DLG2: variants seen among roughly 807,000 people sequenced by gnomAD.
The protein encoded by DLG2 is discs large MAGUK scaffold protein 2.
In DLG2, 45 loss-of-function variants were observed where a neutral mutation model predicts 132.5. That is an observed-to-expected ratio of 0.34 (90% confidence interval 0.27 to 0.44). The LOEUF (loss-of-function observed/expected upper bound fraction) is 0.44, where lower values mean the gene tolerates loss of function less well. DLG2 is among the 20% of genes least tolerant of loss of function. DLG2 has a pLI of 1.00. For missense variants in DLG2, 1,045 were observed against 1,196.9 expected, an observed-to-expected ratio of 0.87 and a Z score of 1.87; for synonymous variants, 424 against 419.6, an observed-to-expected ratio of 1.01 and a Z score of -0.13.
intron 8 of DLG2, among the ~76,000 whole-genome samples, chr11:84,219,278 G>A (rs192301071): frequency 1.3e-5 from 2 of 152,272 alleles, no homozygotes. Context: ...GACAGAACTA[G>A]AACTTGAAGT....
chr11:84,882,904 G>A (rs2087583495), intron 6 of DLG2, among the ~76,000 whole-genome samples: 1 of 151,994 alleles, frequency 6.6e-6, no homozygotes, highest in South Asian at 2.1e-4. Flanking sequence ...AGTGAGAATT[G>A]TATACAGAAT....
intron 8 of DLG2, among the ~76,000 whole-genome samples, chr11:84,181,932 G>A (rs1371818594): frequency 6.6e-6 from 1 of 152,146 alleles, no homozygotes; most frequent in Non-Finnish European, 1.5e-5. Flanking sequence ...ATTATAGTTG[G>A]AGACTTGAAC....
At chr11:84,011,932 A>G (rs1157913616) in intron 11 of DLG2, among the ~76,000 whole-genome samples, 1 of 152,118 alleles carries the variant, frequency 6.6e-6, no homozygotes, top group African/African-American at 2.4e-5. Flanking sequence ...TCAAAGCTAT[A>G]AAAATATAAT....
intron 18 of DLG2, among the ~76,000 whole-genome samples, chr11:83,635,818 GC>G (rs2064676340): frequency 6.6e-6 from 1 of 151,998 alleles, no homozygotes; most frequent in Admixed American, 6.6e-5. Flanking sequence ...CCAGCTTTTT[GC>G]TATCACAAAC....
chr11:85,065,511 C>G (rs1172696962), intron 6 of DLG2, among the ~76,000 whole-genome samples: 1 of 151,280 alleles, frequency 6.6e-6, no homozygotes, highest in African/African-American at 2.4e-5. Context: ...GGATTTAAAA[C>G]CAGGTTTCAC....
chr11:84,836,111 T>C (rs2079732640), intron 6 of DLG2, among the ~76,000 whole-genome samples: 1 of 151,760 alleles, frequency 6.6e-6, no homozygotes, highest in African/African-American at 2.4e-5. Context: ...CTCAGCTCTC[T>C]CATTATCTCT....
intron 8 of DLG2, among the ~76,000 whole-genome samples, chr11:84,174,004 AC>A (rs1192540057): frequency 2.0e-5 from 1 of 49,296 alleles, no homozygotes; most frequent in Non-Finnish European, 4.3e-5. Flanking sequence ...TTTTGACTTC[AC>A]CCCCCGGCCT....
chr11:84,251,125 C>A, intron 8 of DLG2, 113 bp downstream of exon 8: 1 of 589,706 alleles, frequency 1.7e-6, no homozygotes, highest in South Asian at 3.4e-5. Context: ...AACTACATGT[C>A]ATTCCATAAG....
At chr11:83,593,758 T>G (rs1594080633) in intron 19 of DLG2, among the ~76,000 whole-genome samples, 1 of 151,628 alleles carries the variant, frequency 6.6e-6, no homozygotes, top group Non-Finnish European at 1.5e-5. Context: ...GAAGTTGATA[T>G]TTGTAAAAAC....
chr11:84,765,471 C>A (rs2068275969), intron 6 of DLG2, among the ~76,000 whole-genome samples: 1 of 152,102 alleles, frequency 6.6e-6, no homozygotes, highest in Admixed American at 6.6e-5. Flanking sequence ...CAACCAAACA[C>A]TGCCTTCTCA....
At chr11:84,796,640 T>G (rs1329020574) in intron 6 of DLG2, among the ~76,000 whole-genome samples, 2 of 151,632 alleles carry the variant, frequency 1.3e-5, no homozygotes, top group African/African-American at 4.8e-5. Context: ...TTCTCCTTCA[T>G]GCTTGAAAGA....
intron 22 of DLG2, chr11:83,480,510 G>T: frequency 6.7e-7 from 1 of 1,500,046 alleles, no homozygotes. Context: ...AGAAATGTGA[G>T]CGAAAGGCAA....
At chr11:85,022,074 C>T (rs2060123989) in intron 6 of DLG2, among the ~76,000 whole-genome samples, 1 of 151,962 alleles carries the variant, frequency 6.6e-6, no homozygotes, top group South Asian at 2.1e-4. Context: ...AAATTAAACA[C>T]TTAGTCATAA....
intron 7 of DLG2, among the ~76,000 whole-genome samples, chr11:84,464,319 G>A (rs1050205988): frequency 2.6e-5 from 4 of 151,164 alleles, no homozygotes; most frequent in Non-Finnish European, 3.0e-5. Context: ...TAAAGAGGAG[G>A]CAACAAATGA....
intron 8 of DLG2, among the ~76,000 whole-genome samples, chr11:84,182,389 G>A (rs1439357948): frequency 6.6e-6 from 1 of 151,558 alleles, no homozygotes; most frequent in Non-Finnish European, 1.5e-5. Context: ...AAATTAGGCA[G>A]TCATGGTGGC....
At chr11:83,528,126 T>G (rs986971071) in intron 21 of DLG2, among the ~76,000 whole-genome samples, 1 of 152,154 alleles carries the variant, frequency 6.6e-6, no homozygotes, top group Non-Finnish European at 1.5e-5. Flanking sequence ...GATGGCTGTT[T>G]GAAGTTTAGG....
chr11:84,640,079 C>A, intron 6 of DLG2: 1 of 312,536 alleles, frequency 3.2e-6, no homozygotes, highest in Non-Finnish European at 6.0e-6. Flanking sequence ...TTGTGAAGGG[C>A]CCCAGAGGAA....
chr11:83,690,058 C>T (rs1201934699), intron 18 of DLG2, among the ~76,000 whole-genome samples: 1 of 144,794 alleles, frequency 6.9e-6, no homozygotes, highest in African/African-American at 2.5e-5. Flanking sequence ...TTTTTATATA[C>T]ATAAAATATT....
At position 84,876,781 on chromosome 11, in the gene DLG2, T is replaced by C. The variant is rs183394397; in HGVS notation, c.357+234880A>G. ...TTCTTTTAATTGTGATGGTAGGGTGTTGAATTTAGATCTTTCCTGCTTTCT... is the reference window on the plus strand; with the variant it reads ...TTCTTTTAATTGTGATGGTAGGGTGCTGAATTTAGATCTTTCCTGCTTTCT... On this transcript the variant is annotated intron_variant, in intron 6 of 27. Transcript: ENST00000376104. Among the ~76,000 whole-genome samples the C allele has an allele frequency of 4.6e-5, 7 of 152,296 alleles. No individual in the cohort carries two copies. The East Asian group carries it at 1.2e-3, about 25-fold the overall frequency.
Sources: allele counts gnomAD v4.1 joint callset (sites outside exome capture counted in the v4.1 genomes callset), GRCh38; gene constraint gnomAD v4.1.1; transcripts MANE v1.5; gene names NCBI Gene and HGNC (gene_info 2026-07-23, HGNC 2026-07-21).